SYT1: variants seen among roughly 807,000 people sequenced by gnomAD.
SYT1 encodes the protein synaptotagmin-1.
A neutral mutation model predicts 44.8 loss-of-function variants in SYT1; 8 were observed. The observed-to-expected ratio is 0.18, with a 90% CI of 0.10 to 0.32. The LOEUF is 0.32. SYT1 is among the 10% of genes least tolerant of loss of function. The pLI is 1.00. For missense variants in SYT1, 286 were observed against 509.3 expected (o/e 0.56, Z 4.22); for synonymous variants, 154 against 188.8 (o/e 0.82, Z 1.51).
intron 3 of SYT1, among the ~76,000 whole-genome samples, chr12:79,130,524 G>A (rs1363933354): frequency 1.3e-5 from 2 of 152,120 alleles, no homozygotes; most frequent in Non-Finnish European, 2.9e-5. Flanking sequence ...AAGAAATTTT[G>A]TATGGCAAAG....
At chr12:79,448,352 C>T (rs1870848347) in intron 10 of SYT1, among the ~76,000 whole-genome samples, 1 of 152,166 alleles carries the variant, frequency 6.6e-6, no homozygotes. Context: ...ATGTTTTATG[C>T]TCACAATCAT....
chr12:79,229,488 A>G (rs1325539991), intron 4 of SYT1, among the ~76,000 whole-genome samples: 1 of 152,186 alleles, frequency 6.6e-6, no homozygotes, highest in East Asian at 1.9e-4. Flanking sequence ...AAATATAGAA[A>G]GTGTGTCTGT....
At chr12:79,181,881 T>C (rs546876081) in intron 3 of SYT1, among the ~76,000 whole-genome samples, 16 of 152,022 alleles carry the variant, frequency 1.1e-4, no homozygotes, top group African/African-American at 3.1e-4. Flanking sequence ...TTATTTTCAC[T>C]CTTTTTTCTC....
chr12:79,098,423 A>G (rs886449758), intron 3 of SYT1, among the ~76,000 whole-genome samples: 1 of 152,154 alleles, frequency 6.6e-6, no homozygotes, highest in Non-Finnish European at 1.5e-5. Context: ...CCCAATAAGT[A>G]TGAAACACCC....
chr12:79,184,170 A>G (rs1056845786), intron 3 of SYT1, among the ~76,000 whole-genome samples: 3 of 152,012 alleles, frequency 2.0e-5, no homozygotes, highest in South Asian at 2.1e-4. Flanking sequence ...CATTATTAGT[A>G]TTCTATTTCA....
chr12:79,277,832 C>T (rs560144836), intron 4 of SYT1, among the ~76,000 whole-genome samples: 1 of 152,082 alleles, frequency 6.6e-6, no homozygotes, highest in East Asian at 1.9e-4. Flanking sequence ...ATATATCATG[C>T]AAATGGAAGC....
At chr12:79,033,122 C>A (rs943312466) in intron 2 of SYT1, among the ~76,000 whole-genome samples, 2 of 151,274 alleles carry the variant, frequency 1.3e-5, no homozygotes, top group Admixed American at 1.3e-4. Context: ...ACATTAGACA[C>A]CTAAAAGATC....
intron 4 of SYT1, among the ~76,000 whole-genome samples, chr12:79,240,231 T>C (rs990744588): frequency 2.0e-5 from 3 of 152,226 alleles, no homozygotes; most frequent in African/African-American, 7.2e-5. Context: ...GAATTGTTAC[T>C]TTATGAAAAG....
At chr12:79,349,179 G>T (rs1030640208) in intron 8 of SYT1, among the ~76,000 whole-genome samples, 2 of 150,792 alleles carry the variant, frequency 1.3e-5, no homozygotes, top group African/African-American at 4.9e-5. Flanking sequence ...AAGAAGGGAC[G>T]GAGGGAAGGA....
At chr12:79,410,848 G>C (rs1300478899) in intron 9 of SYT1, among the ~76,000 whole-genome samples, 2 of 152,112 alleles carry the variant, frequency 1.3e-5, no homozygotes, top group African/African-American at 4.8e-5. Flanking sequence ...ACTAATGAGA[G>C]ATCATCTACA....
intron 1 of SYT1, among the ~76,000 whole-genome samples, chr12:78,875,137 T>G (rs1478675353): frequency 2.0e-5 from 3 of 151,656 alleles, no homozygotes; most frequent in African/African-American, 7.3e-5. Flanking sequence ...TGCTACAGAT[T>G]AAACGTTATC....
chr12:78,921,151 C>A (rs1399642844), intron 1 of SYT1, among the ~76,000 whole-genome samples: 1 of 151,872 alleles, frequency 6.6e-6, no homozygotes, highest in African/African-American at 2.4e-5. Context: ...AGTTCTCTAT[C>A]TCATGTTTTT....
chr12:79,426,098 G>C (rs1026169938), intron 9 of SYT1, among the ~76,000 whole-genome samples: 2 of 150,948 alleles, frequency 1.3e-5, no homozygotes, highest in African/African-American at 4.9e-5. Context: ...AAAAAAAATA[G>C]CCTTTCTGAA....
chr12:79,221,678 T>C (rs1192044763), intron 4 of SYT1, among the ~76,000 whole-genome samples: 1 of 152,298 alleles, frequency 6.6e-6, no homozygotes, highest in South Asian at 2.1e-4. Flanking sequence ...AAAAAACCTC[T>C]ACAATTTTAC....
At chr12:79,217,803 T>G (rs1202488050) in intron 4 of SYT1, 118 bp downstream of exon 4, 1 of 767,034 alleles carries the variant, frequency 1.3e-6, no homozygotes, top group Admixed American at 3.8e-5. Context: ...TTTATTACTA[T>G]GGGAATGATA....
At chr12:79,115,063 A>G (rs1355331910) in intron 3 of SYT1, among the ~76,000 whole-genome samples, 1 of 152,158 alleles carries the variant, frequency 6.6e-6, no homozygotes, top group Non-Finnish European at 1.5e-5. Context: ...TGCTGCAATT[A>G]TTCTGTTATG....
chr12:79,146,616 G>C (rs1869930608), intron 3 of SYT1, among the ~76,000 whole-genome samples: 1 of 152,078 alleles, frequency 6.6e-6, no homozygotes, highest in African/African-American at 2.4e-5. Flanking sequence ...TCAGAAGCCA[G>C]GAGACATTAA....
rs143612929 is a variant in SYT1 at position 78,987,606 on chromosome 12, G to A, written c.-84+9675G>A. Among the ~76,000 whole-genome samples, 1,054 of 151,924 alleles carry A rather than the reference G, an allele frequency of 6.9e-3. 8 individuals carry two copies. Among genetic ancestry groups the A allele is most frequent in the Non-Finnish European group, 0.012 (836 of 67,926 alleles). On this transcript the variant is annotated intron_variant, in intron 2 of 10. Coordinates refer to ENST00000261205, the MANE Select transcript of SYT1 (RefSeq NM_005639.3). The stretch of plus-strand genomic sequence containing the variant: ...CTTCCCCTGCTACCTCTCTTTACTG[G>A]AATATGAAACCTTACTTGAGCCTAC...
At chr12:79,059,815 T>C (rs1465373060) in intron 3 of SYT1, among the ~76,000 whole-genome samples, 2 of 152,126 alleles carry the variant, frequency 1.3e-5, no homozygotes, top group Non-Finnish European at 2.9e-5. Flanking sequence ...ACTTACTCCC[T>C]GCTGCATGCT....
Sources: allele counts gnomAD v4.1 joint callset (sites outside exome capture counted in the v4.1 genomes callset), GRCh38; gene constraint gnomAD v4.1.1; transcripts MANE v1.5; gene names NCBI Gene and HGNC (gene_info 2026-07-23, HGNC 2026-07-21).